Variants in MUCL1 observed in about 807,000 individuals in gnomAD.
MUCL1 encodes the protein mucin-like protein 1.
Under a neutral mutation model 9.2 loss-of-function variants are expected in MUCL1, and 11 were observed. The observed-to-expected ratio is 1.19, with a 90% CI of 0.75 to 1.97. The LOEUF (loss-of-function observed/expected upper bound fraction) is 1.97, where lower values mean the gene tolerates loss of function less well. MUCL1 is among the 30% of genes most tolerant of loss of function. The probability of loss-of-function intolerance (pLI) is 0.00; values close to 1 mark genes in which losing one functional copy is unlikely to be tolerated. For synonymous variants in MUCL1, 48 were observed against 40.5 expected (o/e 1.19, Z -0.71); for missense variants, 144 against 110.9 (o/e 1.30, Z -1.34).
chr12:54,847,702 G>T (rs1959276661), intron 1 of MUCL1, among the ~76,000 whole-genome samples: 1 of 152,184 alleles, frequency 6.6e-6, no homozygotes, highest in Non-Finnish European at 1.5e-5. Flanking sequence ...ATTATGATAA[G>T]AATAGAATCA....
upstream of MUCL1, among the ~76,000 whole-genome samples, chr12:54,852,395 A>T (rs1055026712): frequency 2.0e-5 from 3 of 152,194 alleles, no homozygotes; most frequent in Non-Finnish European, 4.4e-5. Context: ...TGACGAAAAC[A>T]AGCAATGGGG....
chr12:54,857,208 A>T (rs1868307413), intron 3 of MUCL1, among the ~76,000 whole-genome samples: 1 of 147,462 alleles, frequency 6.8e-6, no homozygotes, highest in Non-Finnish European at 1.5e-5. Flanking sequence ...ACTGCTTATT[A>T]TTATTATTTT....
chr12:54,836,231 T>C (rs182647803), upstream of MUCL1, among the ~76,000 whole-genome samples: 10 of 152,286 alleles, frequency 6.6e-5, no homozygotes, highest in East Asian at 1.5e-3. Context: ...TTTGTAGTTG[T>C]TGCTGGCAAC....
intron 1 of MUCL1, among the ~76,000 whole-genome samples, chr12:54,845,373 G>T (rs1251529802): frequency 3.3e-5 from 5 of 152,134 alleles, no homozygotes; most frequent in Non-Finnish European, 7.4e-5. Flanking sequence ...CCCGAGCTGT[G>T]GTCTTGGGGC....
At position 54,858,311 on chromosome 12, in the gene MUCL1, A is replaced by T. The variant is rs1868316406; in HGVS notation, c.*69A>T. On this transcript the variant is annotated 3_prime_UTR_variant, in exon 4 of 4. Coordinates refer to ENST00000308796, the MANE Select transcript of MUCL1 (RefSeq NM_058173.3). ...ATGCTTCCTGTGATTTCATCCAACT[A>T]CTTACCTTGCCTACGATATCCCCTT... is the stretch of plus-strand genomic sequence containing the variant. 1.3e-6 allele frequency: 2 copies of T among 1,573,852 alleles called. No homozygotes were observed. Among genetic ancestry groups the T allele is most frequent in the African/African-American group, 2.7e-5 (2 of 74,062 alleles).
rs1868316672 is a variant in MUCL1 at position 54,858,362 on chromosome 12, C to T, written c.*120C>T. On this transcript the variant is annotated 3_prime_UTR_variant, in exon 4 of 4. Transcript: ENST00000308796. Reference sequence around the variant, plus strand: ...TATCTCTAATCAGTTTATTTTCTTTCAAATAAAAAATAACTATGAGCAACA... The same window carrying T: ...TATCTCTAATCAGTTTATTTTCTTTTAAATAAAAAATAACTATGAGCAACA... 11 of 1,270,430 alleles carry T rather than the reference C, an allele frequency of 8.7e-6. No homozygotes were observed. The highest frequency in any genetic ancestry group is 1.2e-5 in the Non-Finnish European group (11 of 886,772). 78.7% of individuals were successfully genotyped at this position (1,270,430 alleles called of 1,614,324 possible). A position where few individuals can be genotyped will look rare whatever the true frequency, so the allele number is the denominator to read the frequency against.
upstream of MUCL1, among the ~76,000 whole-genome samples, chr12:54,838,641 A>AT (rs1346571513): frequency 6.7e-6 from 1 of 149,874 alleles, no homozygotes; most frequent in Non-Finnish European, 1.5e-5. Flanking sequence ...TTTTTTCTTT[A>AT]TTTTTTCTGA....
intron 1 of MUCL1, among the ~76,000 whole-genome samples, chr12:54,846,326 C>T (rs1959253762): frequency 6.6e-6 from 1 of 152,150 alleles, no homozygotes; most frequent in South Asian, 2.1e-4. Context: ...GGCCTCTGCA[C>T]CTGCCCGTCT....
intron 3 of MUCL1, 35 bp downstream of exon 3, chr12:54,856,927 T>G: frequency 6.2e-7 from 1 of 1,612,980 alleles, no homozygotes; most frequent in Non-Finnish European, 8.5e-7. Flanking sequence ...GCTTCCTTTA[T>G]GTGGCTCCTT....
In MUCL1 at chr12:54,858,342, C is replaced by G; in HGVS notation, c.*100C>G. 2 of 1,361,546 alleles carry G rather than the reference C, an allele frequency of 1.5e-6. No individual in the cohort carries two copies. Among genetic ancestry groups the G allele is most frequent in the South Asian group, 1.2e-5 (1 of 83,026 alleles). The allele number at this position is 1,361,546 out of a possible 1,614,324, so 84.3% of individuals were successfully genotyped here. On this transcript the variant is annotated 3_prime_UTR_variant, in exon 4 of 4. Coordinates refer to ENST00000308796, the MANE Select transcript of MUCL1 (RefSeq NM_058173.3). ...CTTGCCTACGATATCCCCTTTATCT[C>G]TAATCAGTTTATTTTCTTTCAAATA... is the stretch of plus-strand genomic sequence containing the variant.
intron 1 of MUCL1, among the ~76,000 whole-genome samples, chr12:54,831,528 A>T (rs1056186746): frequency 6.6e-6 from 1 of 152,120 alleles, no homozygotes; most frequent in Non-Finnish European, 1.5e-5. Context: ...TGAGATGATG[A>T]CTAACTTTGC....
chr12:54,844,966 T>C (rs1309369025), intron 1 of MUCL1, among the ~76,000 whole-genome samples: 1 of 151,908 alleles, frequency 6.6e-6, no homozygotes, highest in Non-Finnish European at 1.5e-5. Context: ...ACTGAAGGAA[T>C]GTCTTATCTC....
chr12:54,831,710 C>T (rs1296906205), intron 1 of MUCL1, among the ~76,000 whole-genome samples: 3 of 151,966 alleles, frequency 2.0e-5, no homozygotes, highest in Non-Finnish European at 4.4e-5. Context: ...TTTTTGGCAT[C>T]TTGCTTTTAT....
At chr12:54,842,385 TA>T (rs1231952442) in intron 1 of MUCL1, among the ~76,000 whole-genome samples, 3 of 152,166 alleles carry the variant, frequency 2.0e-5, no homozygotes, top group African/African-American at 7.2e-5. Flanking sequence ...TATTCATTTT[TA>T]ATTGACAAAA....
chr12:54,834,381 A>G (rs1331735854), upstream of MUCL1, among the ~76,000 whole-genome samples: 1 of 152,028 alleles, frequency 6.6e-6, no homozygotes, highest in African/African-American at 2.4e-5. Context: ...ATATTTGTGA[A>G]TTACCTTCTG....
chr12:54,855,068 C>T (rs770422887), intron 1 of MUCL1, 48 bp from the exon 2 acceptor site: 28 of 1,555,500 alleles, frequency 1.8e-5, no homozygotes, highest in Non-Finnish European at 2.4e-5. Context: ...CTCCATCCTC[C>T]AAACTGGTAT....
At chr12:54,842,400 G>A (rs1959216620) in intron 1 of MUCL1, among the ~76,000 whole-genome samples, 2 of 151,892 alleles carry the variant, frequency 1.3e-5, no homozygotes, top group African/African-American at 2.4e-5. Context: ...GACAAAAATT[G>A]TTTATGTTTA....
chr12:54,842,920 C>G (rs1405151512), intron 1 of MUCL1, among the ~76,000 whole-genome samples: 1 of 152,032 alleles, frequency 6.6e-6, no homozygotes, highest in Non-Finnish European at 1.5e-5. Context: ...ATTATAATAC[C>G]ATGTTTTTAC....
intron 1 of MUCL1, among the ~76,000 whole-genome samples, chr12:54,831,180 T>A (rs930044036): frequency 6.6e-6 from 1 of 152,190 alleles, no homozygotes; most frequent in African/African-American, 2.4e-5. Flanking sequence ...TATGCATGTA[T>A]GTTATGTTTA....
Sources: allele counts gnomAD v4.1 joint callset (sites outside exome capture counted in the v4.1 genomes callset), GRCh38; gene constraint gnomAD v4.1.1; transcripts MANE v1.5; gene names NCBI Gene and HGNC (gene_info 2026-07-23, HGNC 2026-07-21).